Variants in IPO11 observed in about 807,000 individuals in gnomAD.
The protein encoded by IPO11 is importin 11, also known as importin-11.
A neutral mutation model predicts 143.2 loss-of-function variants in IPO11; 66 were observed. The observed-to-expected ratio is 0.46, with a 90% CI of 0.38 to 0.57. The LOEUF is 0.57. IPO11 is among the 20% of genes least tolerant of loss of function. The pLI is 0.00. For missense variants in IPO11, 1,026 were observed against 1,141.0 expected (o/e 0.90, Z 1.45); for synonymous variants, 385 against 377.8 (o/e 1.02, Z -0.22).
chr5:62,447,750 T>A (rs1052254298), intron 3 of IPO11, among the ~76,000 whole-genome samples: 7 of 150,132 alleles, frequency 4.7e-5, no homozygotes, highest in Admixed American at 4.0e-4. Context: ...CATGCCTGGC[T>A]AATTTTTGTA....
chr5:62,474,726 T>C (rs933485535), intron 8 of IPO11, among the ~76,000 whole-genome samples: 3 of 152,182 alleles, frequency 2.0e-5, no homozygotes, highest in Admixed American at 2.0e-4. Context: ...TTTTGCCTCA[T>C]ATACAGAAGT....
intron 20 of IPO11, among the ~76,000 whole-genome samples, chr5:62,521,459 G>A (rs1421771682): frequency 6.6e-6 from 1 of 151,810 alleles, no homozygotes; most frequent in Non-Finnish European, 1.5e-5. Context: ...CTTGATTCTT[G>A]AATGTATTAC....
At chr5:62,504,209 A>G (rs980633687) in intron 16 of IPO11, among the ~76,000 whole-genome samples, 3 of 152,192 alleles carry the variant, frequency 2.0e-5, no homozygotes, top group Admixed American at 6.5e-5. Flanking sequence ...GGATATTTCA[A>G]AGATTTACTG....
intron 7 of IPO11, among the ~76,000 whole-genome samples, chr5:62,470,678 TG>T (rs1389548308): frequency 1.3e-5 from 2 of 151,964 alleles, no homozygotes; most frequent in African/African-American, 4.8e-5. Flanking sequence ...AAAATAAATT[TG>T]TTTTTTTCTG....
chr5:62,483,875 T>C, intron 10 of IPO11, 135 bp from the exon 11 acceptor site: 1 of 715,090 alleles, frequency 1.4e-6, no homozygotes, highest in Non-Finnish European at 2.3e-6. Flanking sequence ...GAGATTTGTT[T>C]ATAATAAAAA....
chr5:62,493,471 C>T (rs990474238), intron 15 of IPO11, among the ~76,000 whole-genome samples: 1 of 151,978 alleles, frequency 6.6e-6, no homozygotes, highest in African/African-American at 2.4e-5. Context: ...ACATATATGC[C>T]TAGGAATTTT....
At chr5:62,480,470 T>A (rs886481984) in intron 9 of IPO11, among the ~76,000 whole-genome samples, 20 of 152,224 alleles carry the variant, frequency 1.3e-4, no homozygotes, top group Non-Finnish European at 2.6e-4. Context: ...TTTCCAATTC[T>A]GTGAAGAAAG....
At chr5:62,486,469 C>T (rs1322094900) in intron 12 of IPO11, among the ~76,000 whole-genome samples, 2 of 152,106 alleles carry the variant, frequency 1.3e-5, no homozygotes, top group Non-Finnish European at 1.5e-5. Context: ...ATTTCTCTTA[C>T]CACTTCATGT....
intron 3 of IPO11, among the ~76,000 whole-genome samples, chr5:62,447,990 C>T (rs78183974): frequency 0.018 from 2,711 of 152,266 alleles, 76 homozygotes; most frequent in African/African-American, 0.061. Context: ...GCAGGGATTA[C>T]AGGCGTGAGC....
At chr5:62,520,375 A>AT (rs755401076) in intron 20 of IPO11, among the ~76,000 whole-genome samples, 4,693 of 147,276 alleles carry the variant, frequency 0.032, 173 homozygotes, top group African/African-American at 0.091. Context: ...GATACGACAG[A>AT]TTTTTTTTTT....
chr5:62,549,570 C>T (rs920257744), intron 24 of IPO11, among the ~76,000 whole-genome samples: 1 of 152,182 alleles, frequency 6.6e-6, no homozygotes, highest in South Asian at 2.1e-4. Flanking sequence ...GTTCCTTGCC[C>T]ATAACCCTCT....
intron 20 of IPO11, among the ~76,000 whole-genome samples, chr5:62,521,169 A>G (rs754000746): frequency 6.6e-6 from 1 of 152,042 alleles, no homozygotes; most frequent in Non-Finnish European, 1.5e-5. Context: ...TTTCTGTGGG[A>G]TGTCTGTTTT....
At chr5:62,616,231 G>T (rs763028920) in intron 29 of IPO11, among the ~76,000 whole-genome samples, 50 of 152,262 alleles carry the variant, frequency 3.3e-4, no homozygotes, top group Non-Finnish European at 5.4e-4. Context: ...TAATCTGTAG[G>T]TAGCTAAATG....
At chr5:62,433,141 T>C (rs184271188) in intron 1 of IPO11, among the ~76,000 whole-genome samples, 1 of 151,396 alleles carries the variant, frequency 6.6e-6, no homozygotes, top group African/African-American at 2.4e-5. Flanking sequence ...TTTTGGCACC[T>C]TTTTGTTTTT....
intron 7 of IPO11, among the ~76,000 whole-genome samples, chr5:62,470,859 G>T (rs1405333549): frequency 1.1e-5 from 1 of 93,704 alleles, no homozygotes; most frequent in East Asian, 4.6e-4. Context: ...ACAGAGTCTC[G>T]CTCTGTCACC....
At chr5:62,438,765 G>T (rs573844513) in intron 2 of IPO11, among the ~76,000 whole-genome samples, 7 of 146,614 alleles carry the variant, frequency 4.8e-5, no homozygotes, top group African/African-American at 5.0e-5. Context: ...AAAAAAAAGG[G>T]GGGGAGCAGC....
intron 29 of IPO11, among the ~76,000 whole-genome samples, chr5:62,605,138 A>T (rs185388276): frequency 6.6e-6 from 1 of 152,310 alleles, no homozygotes; most frequent in African/African-American, 2.4e-5. Flanking sequence ...AGGAAGAAAA[A>T]TATAGCTGCT....
intron 1 of IPO11, among the ~76,000 whole-genome samples, chr5:62,421,291 C>T (rs1214998978): frequency 6.6e-6 from 1 of 152,146 alleles, no homozygotes; most frequent in African/African-American, 2.4e-5. Flanking sequence ...AATAACATTT[C>T]TTCTCTTAAT....
At chr5:62,627,075 C>G in intron 29 of IPO11, 79 bp from the exon 30 acceptor site, 2 of 1,313,302 alleles carry the variant, frequency 1.5e-6, no homozygotes, top group South Asian at 3.1e-5. Context: ...GAAGAGATTA[C>G]AAAGAACTTT....
Sources: gnomAD v4.1 joint callset for allele counts (sites outside exome capture counted in the v4.1 genomes callset) on GRCh38, gnomAD v4.1.1 for gene constraint, MANE v1.5 for transcripts, NCBI Gene and HGNC (gene_info 2026-07-23, HGNC 2026-07-21) for gene names.